The following AKT1 variants were observed in gnomAD, a reference collection of about 807,000 sequenced individuals.
The protein encoded by AKT1 is AKT serine/threonine kinase 1.
Under a neutral mutation model 63.1 loss-of-function variants are expected in AKT1, and 21 were observed. The observed-to-expected ratio is 0.33, with a 90% CI of 0.24 to 0.48. The LOEUF is 0.48. Ranked by LOEUF, AKT1 falls within the 20% of genes least tolerant of loss-of-function variation. AKT1 has a pLI of 0.99. For synonymous variants in AKT1, 257 were observed against 253.1 expected (o/e 1.02, Z -0.15); for missense variants, 382 against 666.0 (o/e 0.57, Z 4.69).
intron 3 of AKT1, among the ~76,000 whole-genome samples, chr14:104,784,614 C>T (rs778975416): frequency 9.8e-5 from 15 of 152,302 alleles, no homozygotes; most frequent in Non-Finnish European, 1.8e-4. Flanking sequence ...GGACCAAATA[C>T]CGGGGTTCTG....
intron 4 of AKT1, 129 bp downstream of exon 4, chr14:104,779,959 C>G: frequency 2.2e-6 from 3 of 1,354,660 alleles, no homozygotes; most frequent in Non-Finnish European, 3.0e-6. Flanking sequence ...CCCCACCCAG[C>G]CAGTGCTTGT....
intron 3 of AKT1, among the ~76,000 whole-genome samples, chr14:104,786,820 T>A (rs1004065183): frequency 9.9e-5 from 15 of 151,810 alleles, no homozygotes; most frequent in Non-Finnish European, 2.2e-4. Context: ...CAGCTCAGCG[T>A]CTCCGCGCCC....
intron 3 of AKT1, among the ~76,000 whole-genome samples, chr14:104,785,279 C>T (rs758460423): frequency 3.3e-5 from 5 of 152,140 alleles, no homozygotes; most frequent in African/African-American, 7.2e-5. Flanking sequence ...TGCCCGGGCC[C>T]GGGAGTACAC....
intron 3 of AKT1, among the ~76,000 whole-genome samples, chr14:104,792,039 G>A (rs1033858469): frequency 1.3e-5 from 2 of 152,134 alleles, no homozygotes; most frequent in African/African-American, 2.4e-5. Context: ...CAGGCCCCTC[G>A]GGCAGCACCT....
At chr14:104,788,788 C>G (rs958705855) in intron 3 of AKT1, among the ~76,000 whole-genome samples, 1 of 152,170 alleles carries the variant, frequency 6.6e-6, no homozygotes, top group East Asian at 1.9e-4. Context: ...CCCACCGGGA[C>G]GCCTGGGGCT....
chr14:104,771,908 G>GGGC, intron 13 of AKT1: 1 of 271,146 alleles, frequency 3.7e-6, no homozygotes, highest in Non-Finnish European at 7.1e-6. Context: ...AGTAGGTGCT[G>GGGC]TCCCTGTCCC....
rs1382339306 is a variant in AKT1, at chr14:104,795,132, G to A, written c.-258+352C>T. The A allele has an allele frequency of 1.3e-5, 2 of 152,102 alleles. No homozygotes were observed. Among genetic ancestry groups the A allele is most frequent in the African/African-American group, 2.4e-5 (1 of 41,440 alleles). 9.4% of individuals were successfully genotyped at this position (152,102 alleles called of 1,614,324 possible). On this transcript the variant is annotated intron_variant, in intron 1 of 14. Transcript: ENST00000649815. The surrounding 1 kb of genome is among the most constrained non-coding windows in gnomAD (Gnocchi z 5.1). ...CCGCCGGCTGCCTCGCTGGCCCAGCGCCCGGGGAGCCCCACGGCCCGCAGG... is the reference window on the plus strand; with the variant it reads ...CCGCCGGCTGCCTCGCTGGCCCAGCACCCGGGGAGCCCCACGGCCCGCAGG...
At chr14:104,784,504 C>T (rs1402661965) in intron 3 of AKT1, among the ~76,000 whole-genome samples, 2 of 152,170 alleles carry the variant, frequency 1.3e-5, no homozygotes, top group African/African-American at 4.8e-5. Flanking sequence ...TCCCGGGTGG[C>T]CCTCCGGCAG....
chr14:104,782,720 G>A (rs928364618), intron 3 of AKT1, among the ~76,000 whole-genome samples: 1 of 151,538 alleles, frequency 6.6e-6, no homozygotes, highest in Non-Finnish European at 1.5e-5. Context: ...CCCAGGAGAC[G>A]GGTGTGAGTG....
chr14:104,792,525 G>A, intron 3 of AKT1, 73 bp downstream of exon 3: 3 of 1,560,946 alleles, frequency 1.9e-6, no homozygotes, highest in Non-Finnish European at 2.6e-6. Flanking sequence ...GCAGGGCACA[G>A]GCACTCACAG....
intron 11 of AKT1, 64 bp downstream of exon 11, chr14:104,773,187 A>G (rs1309025441): frequency 1.9e-6 from 3 of 1,611,492 alleles, no homozygotes; most frequent in East Asian, 2.2e-5. Flanking sequence ...GAGAGGACAC[A>G]GCATTGCGTG....
In AKT1 at chr14:104,777,708, G is replaced by T. The variant is rs1438213837; in HGVS notation, c.176-938C>A. The T allele has an allele frequency of 3.0e-6, 3 of 985,572 alleles. No individual in the cohort carries two copies. In the African/African-American group the frequency reaches 5.2e-5, roughly 17 times the overall value. The allele number at this position is 985,572 out of a possible 1,614,324, so 61.1% of individuals were successfully genotyped here. A position where few individuals can be genotyped will look rare whatever the true frequency, so the allele number is the denominator to read the frequency against. On this transcript the variant is annotated intron_variant, in intron 4 of 14. Transcript: ENST00000649815. ...TGGCCCAGCCTGTGCAAAGCAGGAGGAGGCTGAGGGGCCAGTGGGGGGCCT... is the reference window on the plus strand; with the variant it reads ...TGGCCCAGCCTGTGCAAAGCAGGAGTAGGCTGAGGGGCCAGTGGGGGGCCT...
chr14:104,778,583 A>T (rs1218198160), intron 4 of AKT1: 1 of 152,210 alleles, frequency 6.6e-6, no homozygotes, highest in Non-Finnish European at 1.5e-5. Flanking sequence ...GCCCCTCCCA[A>T]CTAGAAGCTT....
chr14:104,777,637 TGTGA>T (rs1446976041), intron 4 of AKT1: 3 of 987,748 alleles, frequency 3.0e-6, no homozygotes, highest in Non-Finnish European at 3.6e-6. Flanking sequence ...CCCTGAGAGG[TGTGA>T]GTGAGTGGAG....
intron 3 of AKT1, among the ~76,000 whole-genome samples, chr14:104,781,853 G>T (rs1328502455): frequency 6.6e-6 from 1 of 152,158 alleles, no homozygotes; most frequent in African/African-American, 2.4e-5. Context: ...ACACCCAGTT[G>T]CAGGGAGGAT....
intron 3 of AKT1, among the ~76,000 whole-genome samples, chr14:104,788,136 C>T (rs572473091): frequency 6.6e-6 from 1 of 152,330 alleles, no homozygotes; most frequent in South Asian, 2.1e-4. Flanking sequence ...ACCCTCAACG[C>T]TCCCCCAGGG....
chr14:104,774,994 C>A lies in AKT1; in HGVS notation c.577G>T (p.Ala193Ser). ...ACGCGGTTCTCGGTGAGTGTGTGGG[C>A]CACCTCGTCCTGTAAAGCAGGGCTG... ...KEVIVAKDEV[A>S]HTLTENRVLQ... Residue 193 changes from alanine to serine, a missense_variant, in exon 8 of 15, where the codon GCC becomes TCC. Physicochemically the swap from Ala to Ser is moderately conservative, Grantham distance 99. Transcript: ENST00000649815. The A allele has an allele frequency of 6.2e-7, 1 of 1,613,080 alleles. No homozygotes were observed. Among genetic ancestry groups the A allele is most frequent in the South Asian group, 1.1e-5 (1 of 91,044 alleles).
intron 3 of AKT1, among the ~76,000 whole-genome samples, chr14:104,787,634 G>A (rs1353882844): frequency 6.6e-6 from 1 of 152,246 alleles, no homozygotes; most frequent in African/African-American, 2.4e-5. Flanking sequence ...GGCTTCTCCT[G>A]AGAGTGGAAG....
chr14:104,790,604 C>T (rs747039191), intron 3 of AKT1, among the ~76,000 whole-genome samples: 7 of 152,210 alleles, frequency 4.6e-5, no homozygotes, highest in Non-Finnish European at 8.8e-5. Flanking sequence ...GTGGACGCCA[C>T]CTGCTCTCGG....
Sources: allele counts gnomAD v4.1 joint callset (sites outside exome capture counted in the v4.1 genomes callset), GRCh38; gene constraint gnomAD v4.1.1; non-coding constraint Gnocchi (gnomAD v3.1); transcripts MANE v1.5; gene names NCBI Gene and HGNC (gene_info 2026-07-23, HGNC 2026-07-21).